NPR3: variants seen among roughly 807,000 people sequenced by gnomAD.
NPR3 encodes atrial natriuretic peptide receptor 3.
A neutral mutation model predicts 54.5 loss-of-function variants in NPR3; 34 were observed. The observed-to-expected ratio is 0.62, with a 90% confidence interval of 0.47 to 0.83. The LOEUF is 0.83. Ranked by LOEUF, NPR3 falls within the 40% of genes least tolerant of loss-of-function variation. The pLI is 0.00. For synonymous variants in NPR3, 289 were observed against 297.1 expected, an observed-to-expected ratio of 0.97 and a Z score of 0.28; for missense variants, 674 against 720.8, an observed-to-expected ratio of 0.94 and a Z score of 0.74.
chr5:32,752,420 TAAGCTAATGGGAG>T lies in NPR3; in HGVS notation c.1059+13406_1059+13418del, dbSNP rs1017874059. ...TTGTATACTCCTAGAGAAAAAATTT[TAAGCTAATGGGAG>T]AAGCTAATGGGAGAAATAAAATGAA... is the stretch of plus-strand genomic sequence containing the variant. On this transcript the variant is annotated intron_variant, in intron 3 of 7. Transcript: ENST00000265074. Among the ~76,000 whole-genome samples, 86 of 152,296 alleles carry T rather than the reference TAAGCTAATGGGAG, an allele frequency of 5.6e-4. 1 individual carries two copies. Among genetic ancestry groups the T allele is most frequent in the African/African-American group, 1.9e-3 (78 of 41,564 alleles).
chr5:32,704,810 G>C (rs1227884930), upstream of NPR3, among the ~76,000 whole-genome samples: 1 of 152,190 alleles, frequency 6.6e-6, no homozygotes, highest in Non-Finnish European at 1.5e-5. Flanking sequence ...TCCCCAGCCA[G>C]GGCAGGAAAG....
At chr5:32,764,466 A>G (rs9292467) in intron 3 of NPR3, among the ~76,000 whole-genome samples, 20,810 of 151,848 alleles carry the variant, frequency 0.14, 1,532 homozygotes, top group South Asian at 0.21. Flanking sequence ...CATTTGGTCA[A>G]TTTCTAGTGC....
intron 3 of NPR3, among the ~76,000 whole-genome samples, chr5:32,769,383 T>C (rs1307298338): frequency 6.6e-6 from 1 of 152,196 alleles, no homozygotes; most frequent in African/African-American, 2.4e-5. Flanking sequence ...CCAGGAGGGC[T>C]GGACCAGTTT....
intron 3 of NPR3, 25 bp from the exon 4 acceptor site, chr5:32,774,683 C>A (rs761402398): frequency 6.3e-7 from 1 of 1,594,778 alleles, no homozygotes; most frequent in South Asian, 1.1e-5. Flanking sequence ...TGTTTTGGTT[C>A]ACCCATCTGG....
At chr5:32,739,271 G>A (rs1001299055) in intron 3 of NPR3, among the ~76,000 whole-genome samples, 2 of 151,104 alleles carry the variant, frequency 1.3e-5, no homozygotes, top group Non-Finnish European at 2.9e-5. Flanking sequence ...CACTTTTTCA[G>A]CTGCTGCAGG....
At position 32,749,596 on chromosome 5, in the gene NPR3, T is replaced by C. The variant is rs1740473036; in HGVS notation, c.1059+10566T>C. On this transcript the variant is annotated intron_variant, in intron 3 of 7. Coordinates refer to ENST00000265074, the MANE Select transcript of NPR3 (RefSeq NM_001204375.2). ...AATATGAATATCTGGAAGTTGCTTA[T>C]CTTAGGTTGTTCAGTTTCACTACAA... Among the ~76,000 whole-genome samples the C allele has an allele frequency of 2.0e-5, 3 of 152,350 alleles. No homozygotes were observed. In the South Asian group the frequency reaches 6.2e-4, roughly 32 times the overall value.
chr5:32,746,391 G>C (rs942653349), intron 3 of NPR3, among the ~76,000 whole-genome samples: 2 of 152,066 alleles, frequency 1.3e-5, no homozygotes, highest in Non-Finnish European at 2.9e-5. Flanking sequence ...GAAAATTATT[G>C]AATTAGACCA....
chr5:32,773,088 C>T (rs1237723532), intron 3 of NPR3, among the ~76,000 whole-genome samples: 4 of 152,158 alleles, frequency 2.6e-5, no homozygotes, highest in Non-Finnish European at 5.9e-5. Flanking sequence ...TCAGTTGCAG[C>T]TCTCTTCCCA....
At chr5:32,766,385 T>A (rs1198226935) in intron 3 of NPR3, among the ~76,000 whole-genome samples, 1 of 152,108 alleles carries the variant, frequency 6.6e-6, no homozygotes, top group African/African-American at 2.4e-5. Flanking sequence ...CCAACCTCAA[T>A]AGTGGTGGAG....
Position 32,732,247 on chromosome 5 carries a change from C to CAAAAA in NPR3, c.893-6590_893-6586dup, listed in dbSNP as rs34564234. On this transcript the variant is annotated intron_variant, in intron 2 of 7. Coordinates refer to ENST00000265074, the MANE Select transcript of NPR3 (RefSeq NM_001204375.2). ...TGGGCGACAGAGCGAGACTCCGTCT[C>CAAAAA]AAAAAAAAAAAAAAAAAAAAAAAAA... is the stretch of plus-strand genomic sequence containing the variant. Among the ~76,000 whole-genome samples the CAAAAA allele has an allele frequency of 5.5e-4, 18 of 32,990 alleles. 2 individuals carry two copies. Among genetic ancestry groups the CAAAAA allele is most frequent in the East Asian group, 1.0e-3 (1 of 974 alleles). The allele number at this position is 32,990 out of a possible 152,430, so 21.6% of individuals were successfully genotyped here. A position where few individuals can be genotyped will look rare whatever the true frequency, so the allele number is the denominator to read the frequency against.
Position 32,774,850 on chromosome 5 carries a change from A to AAGG in NPR3, c.1195+7_1195+8insAGG, listed in dbSNP as rs1316581061. The AAGG allele has an allele frequency of 6.2e-7, 1 of 1,608,118 alleles. No individual in the cohort carries two copies. The highest frequency in any genetic ancestry group is 2.2e-5 in the East Asian group (1 of 44,842). On this transcript the variant is annotated splice_region_variant and intron_variant, in intron 4 of 7. Transcript: ENST00000265074. The stretch of plus-strand genomic sequence containing the variant: ...TGGAACAGAACATTTGAAGGTGGGG[A>AAGG]TTCCATCTATAAGGCAATTACATGG...
chr5:32,731,652 T>A (rs1298910138), intron 2 of NPR3, among the ~76,000 whole-genome samples: 1 of 152,232 alleles, frequency 6.6e-6, no homozygotes, highest in African/African-American at 2.4e-5. Flanking sequence ...ATGTTAAGTT[T>A]ATACATTTTT....
chr5:32,697,501 G>A (rs1261236285), intron 1 of NPR3, among the ~76,000 whole-genome samples: 2 of 151,192 alleles, frequency 1.3e-5, no homozygotes, highest in Admixed American at 6.6e-5. Flanking sequence ...AACACTGGCT[G>A]CATAGAGTGA....
chr5:32,740,268 C>T (rs566581090), intron 3 of NPR3, among the ~76,000 whole-genome samples: 5 of 152,292 alleles, frequency 3.3e-5, no homozygotes, highest in East Asian at 1.9e-4. Flanking sequence ...TCAGTTTCCC[C>T]GATTCAAATT....
intron 3 of NPR3, among the ~76,000 whole-genome samples, chr5:32,765,462 C>T (rs903404973): frequency 6.6e-6 from 1 of 152,154 alleles, no homozygotes; most frequent in African/African-American, 2.4e-5. Context: ...ATGCTATGGG[C>T]AGGCACGATG....
chr5:32,720,359 A>G (rs757873116), intron 1 of NPR3, among the ~76,000 whole-genome samples: 5 of 152,224 alleles, frequency 3.3e-5, no homozygotes, highest in African/African-American at 4.8e-5. Context: ...TCTCCCAATG[A>G]AAACTTGAGA....
chr5:32,772,224 T>G (rs1329570711), intron 3 of NPR3, among the ~76,000 whole-genome samples: 1 of 152,240 alleles, frequency 6.6e-6, no homozygotes, highest in East Asian at 1.9e-4. Context: ...CCAGAATCTA[T>G]CAGTTTCTTC....
intron 3 of NPR3, among the ~76,000 whole-genome samples, chr5:32,740,654 T>C (rs957785898): frequency 6.6e-6 from 1 of 152,062 alleles, no homozygotes; most frequent in African/African-American, 2.4e-5. Context: ...TATATTCCAA[T>C]TAACACAATA....
At chr5:32,723,875 C>T (rs11949699) in intron 1 of NPR3, among the ~76,000 whole-genome samples, 2,629 of 152,010 alleles carry the variant, frequency 0.017, 77 homozygotes, top group African/African-American at 0.06. Context: ...CCTCTCACCT[C>T]CTCTCCTCTC....
Sources: gnomAD v4.1 joint callset for allele counts (sites outside exome capture counted in the v4.1 genomes callset) on GRCh38, gnomAD v4.1.1 for gene constraint, MANE v1.5 for transcripts, NCBI Gene and HGNC (gene_info 2026-07-23, HGNC 2026-07-21) for gene names.